MFSD2B: variants seen among roughly 807,000 people sequenced by gnomAD.
The protein encoded by MFSD2B is MFSD2 lysolipid transporter B, sphingolipid.
In MFSD2B, 56 loss-of-function variants were observed where a neutral mutation model predicts 58.4. The ratio of observed to expected loss-of-function variants is 0.96; its 90% CI spans 0.77 to 1.20. MFSD2B has a LOEUF of 1.20. MFSD2B is among the 50% of genes most tolerant of loss of function. MFSD2B has a pLI of 0.00. For synonymous variants in MFSD2B, 287 were observed against 294.4 expected (o/e 0.97, Z 0.26); for missense variants, 645 against 667.6 (o/e 0.97, Z 0.37).
chr2:24,024,373 T>C lies in MFSD2B; in HGVS notation c.1490+102T>C. 1.6e-6 allele frequency: 2 copies of C among 1,227,894 alleles called. No individual in the cohort carries two copies. The highest frequency in any genetic ancestry group is 2.2e-6 in the Non-Finnish European group (2 of 889,522). The allele number at this position is 1,227,894 out of a possible 1,614,324, so 76.1% of individuals were successfully genotyped here. On this transcript the variant is annotated intron_variant, in intron 13 of 13. Transcript: ENST00000338315. The surrounding 1 kb of genome is among the most constrained non-coding windows in gnomAD (Gnocchi z 4.3). The stretch of plus-strand genomic sequence containing the variant: ...ACATCCCTGCTGTGTCACACAGTCC[T>C]GCCTCTGGGACCTCTTTCCTTAGCT...
chr2:24,019,861 G>A (rs1662699411), intron 6 of MFSD2B, among the ~76,000 whole-genome samples: 2 of 152,174 alleles, frequency 1.3e-5, no homozygotes, highest in Non-Finnish European at 2.9e-5. Flanking sequence ...ATAGGTGAGA[G>A]GCCCCCACCC....
In MFSD2B at chr2:24,017,896, A is replaced by G. The variant is rs1159010257; in HGVS notation, c.681+308A>G. 3.3e-5 allele frequency among the ~76,000 whole-genome samples: 5 copies of G among 152,072 alleles called. No individual in the cohort carries two copies. The highest frequency in any genetic ancestry group is 7.4e-5 in the Non-Finnish European group (5 of 67,986). On this transcript the variant is annotated intron_variant, in intron 6 of 13. Coordinates refer to ENST00000338315, the MANE Select transcript of MFSD2B (RefSeq NM_001346880.2). The surrounding 1 kb of genome is among the most constrained non-coding windows in gnomAD (Gnocchi z 4.8). Reference sequence around the variant, plus strand: ...GGTGGGGAAAGCCGCAGGACAGGCTAGGGGAGGGGGCAGCAGAGGGGTCTG... The same window carrying G: ...GGTGGGGAAAGCCGCAGGACAGGCTGGGGGAGGGGGCAGCAGAGGGGTCTG...
rs185710585 is a variant in MFSD2B, at chr2:24,012,018, C to T, written c.97-1267C>T. Among the ~76,000 whole-genome samples the T allele has an allele frequency of 8.5e-5, 13 of 152,150 alleles. No individual in the cohort carries two copies. In the East Asian group the frequency reaches 2.5e-3, roughly 29 times the overall value. ...GGAGCCCGGCGTGGCTGAAGGAGAG[C>T]TATTTGAGGTGAGGTGGGTAGGGGG... On this transcript the variant is annotated intron_variant, in intron 1 of 13. Transcript: ENST00000338315. This position sits in a 1 kb window ranked among gnomAD's most constrained non-coding sequence, Gnocchi z 4.5.
At position 24,013,408 on chromosome 2, in the gene MFSD2B, C is replaced by T; in HGVS notation, c.220C>T (p.Gln74Ter). The change falls in exon 2 of 14, where the codon CAG becomes TAG. Residue 74 changes from glutamine (Q) to a stop codon, truncating the protein, a stop_gained and splice_region_variant. Coordinates refer to ENST00000338315, the MANE Select transcript of MFSD2B (RefSeq NM_001346880.2). LOFTEE classifies it high-confidence loss of function. Reference protein sequence around the residue: ...YLQLFLLDIAQIPAAQVSLVL... With the variant: ...YLQLFLLDIA ...GCAGCTTTTCCTGCTTGATATAGCA[C>T]AGGTAAGTGTGGGCAGTAGCCCAGT... 1 of 1,602,844 alleles carries T rather than the reference C, an allele frequency of 6.2e-7. No homozygotes were observed. The highest frequency in any genetic ancestry group is 1.3e-5 in the African/African-American group (1 of 74,902).
chr2:24,017,429 A>G lies in MFSD2B; in HGVS notation c.551-29A>G, dbSNP rs1487852589. The G allele has an allele frequency of 1.3e-6, 2 of 1,597,380 alleles. No homozygotes were observed. The highest frequency in any genetic ancestry group is 8.5e-7 in the Non-Finnish European group (1 of 1,172,058). On this transcript the variant is annotated intron_variant, in intron 5 of 13. Transcript: ENST00000338315. This position sits in a 1 kb window ranked among gnomAD's most constrained non-coding sequence, Gnocchi z 4.8. The stretch of plus-strand genomic sequence containing the variant: ...TGCCCCTGGGACCCCACTCCCTCTC[A>G]GTCACCTTAAGTGGCACTCTGTCTC...
At position 24,012,315 on chromosome 2, in the gene MFSD2B, T is replaced by A. The variant is rs917937202; in HGVS notation, c.97-970T>A. ...AGGCTGGAGTGCAGTGGTGTGATAT[T>A]TGCTCACTGCAACCTCTGCCTCCCT... On this transcript the variant is annotated intron_variant, in intron 1 of 13. Coordinates refer to ENST00000338315, the MANE Select transcript of MFSD2B (RefSeq NM_001346880.2). This position sits in a 1 kb window ranked among gnomAD's most constrained non-coding sequence, Gnocchi z 4.5. Among the ~76,000 whole-genome samples, 1 of 152,100 alleles carries A rather than the reference T, an allele frequency of 6.6e-6. No individual in the cohort carries two copies. Among genetic ancestry groups the A allele is most frequent in the Non-Finnish European group, 1.5e-5 (1 of 68,020 alleles).
intron 2 of MFSD2B, among the ~76,000 whole-genome samples, chr2:24,014,115 A>C (rs2150937843): frequency 6.6e-6 from 1 of 151,154 alleles, no homozygotes; most frequent in South Asian, 2.1e-4. Context: ...CGGGTTTAGC[A>C]ATTCTCCTGC....
Position 24,022,665 on chromosome 2 carries a change from G to A in MFSD2B, c.978+149G>A. The A allele has an allele frequency of 1.2e-6, 1 of 851,738 alleles. No homozygotes were observed. Among genetic ancestry groups the A allele is most frequent in the East Asian group, 2.7e-5 (1 of 37,482 alleles). 52.8% of individuals were successfully genotyped at this position (851,738 alleles called of 1,614,324 possible). A position where few individuals can be genotyped will look rare whatever the true frequency, so the allele number is the denominator to read the frequency against. ...TCTTGGTCACCTGCATTCCAGCAGA[G>A]GGTAGAATTGGGGCCAGGATTACAA... On this transcript the variant is annotated intron_variant, in intron 9 of 13. Transcript: ENST00000338315. This position sits in a 1 kb window ranked among gnomAD's most constrained non-coding sequence, Gnocchi z 4.5.
In MFSD2B at chr2:24,024,427, T is replaced by C; in HGVS notation, c.1490+156T>C. On this transcript the variant is annotated intron_variant, in intron 13 of 13. Coordinates refer to ENST00000338315, the MANE Select transcript of MFSD2B (RefSeq NM_001346880.2). This position sits in a 1 kb window ranked among gnomAD's most constrained non-coding sequence, Gnocchi z 4.3. ...GGTCACCCTTTTCTCCTGGATTTTCTTCTCCCACTCTGGCCACCCCTTCTC... is the reference window on the plus strand; with the variant it reads ...GGTCACCCTTTTCTCCTGGATTTTCCTCTCCCACTCTGGCCACCCCTTCTC... 1 of 762,306 alleles carries C rather than the reference T, an allele frequency of 1.3e-6. No homozygotes were observed. The highest frequency in any genetic ancestry group is 2.1e-6 in the Non-Finnish European group (1 of 483,808). The allele number at this position is 762,306 out of a possible 1,614,324, so 47.2% of individuals were successfully genotyped here.
intron 2 of MFSD2B, among the ~76,000 whole-genome samples, chr2:24,013,838 CTTTTTT>C: frequency 9.0e-6 from 1 of 110,626 alleles, no homozygotes; most frequent in South Asian, 3.0e-4. Context: ...CAAGACGATT[CTTTTTT>C]TTTTTTTTTT....
Position 24,010,142 on chromosome 2 carries a change from G to A in MFSD2B, c.46G>A (p.Glu16Lys), listed in dbSNP as rs1018554469. Residue 16 changes from glutamate (E) to lysine (K), a missense_variant, in exon 1 of 14, where the codon GAG becomes AAG. By Grantham distance (56) the Glu-to-Lys change is moderately conservative. Coordinates refer to ENST00000338315, the MANE Select transcript of MFSD2B (RefSeq NM_001346880.2). ...APAAKGSPQP[E>K]PHAPEPGPGS... The stretch of plus-strand genomic sequence containing the variant: ...AGCCGCCAAGGGGTCCCCGCAGCCG[G>A]AGCCGCACGCCCCAGAGCCCGGCCC... 13 of 1,464,200 alleles carry A rather than the reference G, an allele frequency of 8.9e-6. No homozygotes were observed. The highest frequency in any genetic ancestry group is 4.4e-5 in the African/African-American group (3 of 68,004). The allele number at this position is 1,464,200 out of a possible 1,614,324, so 90.7% of individuals were successfully genotyped here. A position where few individuals can be genotyped will look rare whatever the true frequency, so the allele number is the denominator to read the frequency against.
rs976520041 is a variant in MFSD2B at position 24,022,567 on chromosome 2, G to A, written c.978+51G>A. On this transcript the variant is annotated intron_variant, in intron 9 of 13. Coordinates refer to ENST00000338315, the MANE Select transcript of MFSD2B (RefSeq NM_001346880.2). The surrounding 1 kb of genome is among the most constrained non-coding windows in gnomAD (Gnocchi z 4.5). ...CTAGGTCACTTGGGGCCCTGAGCTGGGGACATGTGTGGTCCTTGATGTGAC... is the reference window on the plus strand; with the variant it reads ...CTAGGTCACTTGGGGCCCTGAGCTGAGGACATGTGTGGTCCTTGATGTGAC... The A allele has an allele frequency of 2.8e-6, 4 of 1,443,242 alleles. No individual in the cohort carries two copies. The African/African-American group carries it at 5.6e-5, about 20-fold the overall frequency. 89.4% of individuals were successfully genotyped at this position (1,443,242 alleles called of 1,614,324 possible).
intron 2 of MFSD2B, 66 bp downstream of exon 2, chr2:24,013,476 C>T: frequency 6.9e-7 from 1 of 1,449,906 alleles, no homozygotes; most frequent in Non-Finnish European, 9.3e-7. Flanking sequence ...TCCACCCCCA[C>T]CTCTGCTTCT....
In MFSD2B at chr2:24,022,520, A is replaced by G. The variant is rs755242058; in HGVS notation, c.978+4A>G. On this transcript the variant is annotated splice_donor_region_variant and intron_variant, in intron 9 of 13. Coordinates refer to ENST00000338315, the MANE Select transcript of MFSD2B (RefSeq NM_001346880.2). This position sits in a 1 kb window ranked among gnomAD's most constrained non-coding sequence, Gnocchi z 4.5. The stretch of plus-strand genomic sequence containing the variant: ...GGGCCTGGTACTAACTGTCCTGGTG[A>G]GGGGGCCTGGGGTGGTGGAGGCTAG... The G allele has an allele frequency of 2.5e-6, 4 of 1,611,286 alleles. No homozygotes were observed. Among genetic ancestry groups the G allele is most frequent in the Non-Finnish European group, 2.5e-6 (3 of 1,178,796 alleles).
Position 24,025,124 on chromosome 2 carries a change from G to A in MFSD2B, c.1491-308G>A, listed in dbSNP as rs548966399. 4.9e-4 allele frequency among the ~76,000 whole-genome samples: 74 copies of A among 152,306 alleles called. No homozygotes were observed. The South Asian group carries it at 0.014, about 28-fold the overall frequency. The stretch of plus-strand genomic sequence containing the variant: ...GCATGCACATATCATGCAGGCCCAC[G>A]CGGGACAGGCAGTGGGTGGCCTTGT... On this transcript the variant is annotated intron_variant, in intron 13 of 13. Coordinates refer to ENST00000338315, the MANE Select transcript of MFSD2B (RefSeq NM_001346880.2).
intron 2 of MFSD2B, among the ~76,000 whole-genome samples, chr2:24,015,715 C>A (rs1267494928): frequency 1.3e-5 from 2 of 152,226 alleles, no homozygotes; most frequent in African/African-American, 4.8e-5. Context: ...TGCATCCTTT[C>A]CATTGTGAAA....
chr2:24,016,624 C>T (rs1044835416), intron 3 of MFSD2B, among the ~76,000 whole-genome samples: 8 of 152,202 alleles, frequency 5.3e-5, no homozygotes, highest in East Asian at 3.9e-4. Flanking sequence ...GCACCAGCAG[C>T]GCTGAGAGTG....
At chr2:24,010,870 T>C (rs185391715) in intron 1 of MFSD2B, among the ~76,000 whole-genome samples, 1 of 152,018 alleles carries the variant, frequency 6.6e-6, no homozygotes, top group Non-Finnish European at 1.5e-5. Flanking sequence ...GCCCCCAGCC[T>C]GTTCAGGGCT....
In MFSD2B at chr2:24,012,220, G is replaced by A. The variant is rs190960329; in HGVS notation, c.97-1065G>A. 8.7e-4 allele frequency among the ~76,000 whole-genome samples: 132 copies of A among 151,406 alleles called. No homozygotes were observed. Among genetic ancestry groups the A allele is most frequent in the African/African-American group, 3.1e-3 (127 of 41,258 alleles). On this transcript the variant is annotated intron_variant, in intron 1 of 13. Coordinates refer to ENST00000338315, the MANE Select transcript of MFSD2B (RefSeq NM_001346880.2). This position sits in a 1 kb window ranked among gnomAD's most constrained non-coding sequence, Gnocchi z 4.5. ...AACCCTGCAATAGCAAGCCATTGGAGAGTTTTAATCAGAGAGGAGATGGGA... is the reference window on the plus strand; with the variant it reads ...AACCCTGCAATAGCAAGCCATTGGAAAGTTTTAATCAGAGAGGAGATGGGA...
Sources: gnomAD v4.1 joint callset for allele counts (sites outside exome capture counted in the v4.1 genomes callset) on GRCh38, gnomAD v4.1.1 for gene constraint, Gnocchi (gnomAD v3.1) non-coding constraint, MANE v1.5 for transcripts, NCBI Gene and HGNC (gene_info 2026-07-23, HGNC 2026-07-21) for gene names.